CLPB: variants seen among roughly 807,000 people sequenced by gnomAD.
CLPB encodes mitochondrial disaggregase.
A neutral mutation model predicts 78.4 loss-of-function variants in CLPB; 40 were observed. The observed-to-expected ratio is 0.51, with a 90% CI of 0.40 to 0.66. The LOEUF (loss-of-function observed/expected upper bound fraction) is 0.66, where lower values mean the gene tolerates loss of function less well. CLPB is among the 30% of genes least tolerant of loss of function. The pLI is 0.00. For missense variants in CLPB, 780 were observed against 886.9 expected, an observed-to-expected ratio of 0.88 and a Z score of 1.53; for synonymous variants, 333 against 348.0, an observed-to-expected ratio of 0.96 and a Z score of 0.48.
chr11:72,300,986 C>T (rs1256849977), intron 11 of CLPB, among the ~76,000 whole-genome samples: 1 of 152,128 alleles, frequency 6.6e-6, no homozygotes, highest in African/African-American at 2.4e-5. Flanking sequence ...ATCTGCAGCC[C>T]AATCTTGGCT....
At position 72,380,511 on chromosome 11, in the gene CLPB, A is replaced by T; in HGVS notation, c.543-127T>A. ...CATGTGAGTGATACGGTGGGAAAAA[A>T]ACCATGAACTTTGGGAGTGTAAAAG... On this transcript the variant is annotated intron_variant, in intron 3 of 15. Coordinates refer to ENST00000538039, the MANE Select transcript of CLPB (RefSeq NM_001258392.3). The T allele has an allele frequency of 4.2e-6, 3 of 709,680 alleles. 1 individual carries two copies. The highest frequency in any genetic ancestry group is 3.3e-5 in the South Asian group (2 of 61,528). The allele number at this position is 709,680 out of a possible 1,614,324, so 44.0% of individuals were successfully genotyped here.
chr11:72,404,838 T>C (rs969243185), intron 2 of CLPB, among the ~76,000 whole-genome samples: 3 of 152,194 alleles, frequency 2.0e-5, no homozygotes, highest in African/African-American at 7.2e-5. Context: ...CTTTCTTACC[T>C]CTAGTTTGGA....
chr11:72,320,669 T>C (rs1025660917), intron 6 of CLPB, among the ~76,000 whole-genome samples: 1 of 152,146 alleles, frequency 6.6e-6, no homozygotes, highest in Admixed American at 6.5e-5. Context: ...AGCACAGAGT[T>C]TGTGCTAAAA....
At chr11:72,379,607 C>A (rs1854839252) in intron 4 of CLPB, among the ~76,000 whole-genome samples, 1 of 152,154 alleles carries the variant, frequency 6.6e-6, no homozygotes, top group African/African-American at 2.4e-5. Context: ...CCTCTTCATT[C>A]TGAAGTTCAA....
intron 3 of CLPB, among the ~76,000 whole-genome samples, chr11:72,391,151 T>C (rs1052281896): frequency 1.3e-5 from 2 of 152,166 alleles, no homozygotes; most frequent in Non-Finnish European, 2.9e-5. Flanking sequence ...TCCTATATGA[T>C]CTAGTAGTCT....
At chr11:72,335,848 G>A (rs963010109) in intron 5 of CLPB, among the ~76,000 whole-genome samples, 3 of 152,214 alleles carry the variant, frequency 2.0e-5, no homozygotes, top group Non-Finnish European at 4.4e-5. Context: ...GAACATGGCT[G>A]TTCTTTCTGC....
intron 2 of CLPB, chr11:72,408,337 A>T: frequency 1.4e-6 from 1 of 711,042 alleles, no homozygotes; most frequent in Non-Finnish European, 2.3e-6. Flanking sequence ...AAGGATTAAA[A>T]CAGAATTTCG....
rs1255257612 is a variant in CLPB, at chr11:72,288,749, C to T, written c.*4618G>A. 3 of 152,090 alleles carry T rather than the reference C, an allele frequency of 2.0e-5. No individual in the cohort carries two copies. The highest frequency in any genetic ancestry group is 7.3e-5 in the African/African-American group (3 of 41,298). 9.4% of individuals were successfully genotyped at this position (152,090 alleles called of 1,614,324 possible). A position where few individuals can be genotyped will look rare whatever the true frequency, so the allele number is the denominator to read the frequency against. ...ATGGCTGAACAGCTTGGCATCTGCC[C>T]TCTTAGAACTTACATTCTAGTGATG... On this transcript the variant is annotated 3_prime_UTR_variant, in exon 16 of 16. Transcript: ENST00000538039.
chr11:72,407,485 G>T (rs923971270), intron 2 of CLPB, among the ~76,000 whole-genome samples: 1 of 152,152 alleles, frequency 6.6e-6, no homozygotes, highest in African/African-American at 2.4e-5. Context: ...ATATTGCAGG[G>T]TTTTCTATTT....
chr11:72,386,937 C>T (rs1453149495), intron 3 of CLPB, among the ~76,000 whole-genome samples: 1 of 152,066 alleles, frequency 6.6e-6, no homozygotes, highest in African/African-American at 2.4e-5. Flanking sequence ...TTTCCCAGAA[C>T]GTTTAAAGCT....
chr11:72,339,285 G>C (rs1950375051), intron 5 of CLPB, among the ~76,000 whole-genome samples: 1 of 152,192 alleles, frequency 6.6e-6, no homozygotes, highest in Admixed American at 6.5e-5. Context: ...AAATGTGATT[G>C]AGAAAGGAAA....
rs762673507 is a variant in CLPB at position 72,380,278 on chromosome 11, T to C, written c.646+3A>G. Reference sequence around the variant, plus strand: ...TCAGAGAAGCAGGACAGCCCACACTTACCTTCCAAAGAATGGATTCCCTGT... The same window carrying C: ...TCAGAGAAGCAGGACAGCCCACACTCACCTTCCAAAGAATGGATTCCCTGT... On this transcript the variant is annotated splice_donor_region_variant and intron_variant, in intron 4 of 15. Coordinates refer to ENST00000538039, the MANE Select transcript of CLPB (RefSeq NM_001258392.3). 2.5e-6 allele frequency: 4 copies of C among 1,610,376 alleles called. No homozygotes were observed. The highest frequency in any genetic ancestry group is 3.4e-6 in the Non-Finnish European group (4 of 1,176,534).
In CLPB at chr11:72,412,782, A is replaced by G. The variant is rs561037703; in HGVS notation, c.456-9730T>C. On this transcript the variant is annotated intron_variant, in intron 2 of 15. Transcript: ENST00000538039. The stretch of plus-strand genomic sequence containing the variant: ...TTACACTTGTTCTGTTTGTTGAGGC[A>G]CACAGTGGAGGAGCTGAATCACAAC... Among the ~76,000 whole-genome samples, 7 of 152,344 alleles carry G rather than the reference A, an allele frequency of 4.6e-5. No homozygotes were observed. In the South Asian group the frequency reaches 1.2e-3, roughly 27 times the overall value.
chr11:72,319,161 C>T (rs1322145692), intron 6 of CLPB, among the ~76,000 whole-genome samples: 1 of 152,202 alleles, frequency 6.6e-6, no homozygotes, highest in Non-Finnish European at 1.5e-5. Flanking sequence ...TTCCCACCAA[C>T]CTCCAATGTG....
intron 5 of CLPB, chr11:72,354,602 C>A: frequency 2.9e-6 from 1 of 345,306 alleles, no homozygotes. Context: ...CCCCACCTTC[C>A]TCCCTCCCTC....
intron 7 of CLPB, among the ~76,000 whole-genome samples, chr11:72,311,579 T>C (rs903919658): frequency 1.3e-5 from 2 of 152,184 alleles, no homozygotes; most frequent in Non-Finnish European, 2.9e-5. Flanking sequence ...CGCTGTACTA[T>C]GGGAGCTTAG....
chr11:72,381,487 T>G (rs1854911278), intron 3 of CLPB, among the ~76,000 whole-genome samples: 1 of 152,110 alleles, frequency 6.6e-6, no homozygotes, highest in South Asian at 2.1e-4. Context: ...TGGGCCCACC[T>G]TAACATGAGC....
At chr11:72,432,135 C>A (rs1032475975) in intron 1 of CLPB, among the ~76,000 whole-genome samples, 2 of 152,134 alleles carry the variant, frequency 1.3e-5, no homozygotes, top group Admixed American at 6.5e-5. Context: ...TTCCAAAGAC[C>A]TTATCCTCCA....
intron 7 of CLPB, among the ~76,000 whole-genome samples, chr11:72,316,255 G>T (rs1949939715): frequency 6.6e-6 from 1 of 152,220 alleles, no homozygotes; most frequent in Non-Finnish European, 1.5e-5. Context: ...CCACAGGTAT[G>T]GAATAAGCCT....
Sources: allele counts gnomAD v4.1 joint callset (sites outside exome capture counted in the v4.1 genomes callset), GRCh38; gene constraint gnomAD v4.1.1; transcripts MANE v1.5; gene names NCBI Gene and HGNC (gene_info 2026-07-23, HGNC 2026-07-21).